The following ZNF318 variants were observed in gnomAD, a reference collection of about 807,000 sequenced individuals.
ZNF318 encodes the protein zinc finger protein 318, also known as endocrine regulator.
In ZNF318, 51 loss-of-function variants were observed where a neutral mutation model predicts 124.2. The observed-to-expected ratio is 0.41, with a 90% CI of 0.33 to 0.52. The LOEUF (loss-of-function observed/expected upper bound fraction) is 0.52, where lower values mean the gene tolerates loss of function less well. ZNF318 is among the 20% of genes least tolerant of loss of function. The pLI, the probability that ZNF318 is intolerant of heterozygous loss-of-function variation, is 0.23. For missense variants in ZNF318, 2,815 were observed against 2,811.2 expected (o/e 1.00, Z -0.03); for synonymous variants, 1,090 against 1,040.7 (o/e 1.05, Z -0.91).
chr6:43,365,960 G>T (rs1367757249), intron 1 of ZNF318, among the ~76,000 whole-genome samples: 1 of 152,154 alleles, frequency 6.6e-6, no homozygotes, highest in Non-Finnish European at 1.5e-5. Context: ...TGGGAAAAGA[G>T]AAGTGAATAA....
At position 43,337,555 on chromosome 6, in the gene ZNF318, T is replaced by A; in HGVS notation, c.6443A>T (p.Gln2148Leu). 1 of 1,614,064 alleles carries A rather than the reference T, an allele frequency of 6.2e-7. No homozygotes were observed. Among genetic ancestry groups the A allele is most frequent in the South Asian group, 1.1e-5 (1 of 91,078 alleles). The change falls in exon 10 of 10, where the codon CAA becomes CTA. Residue 2148 changes from glutamine to leucine, a missense_variant. This residue lies in a region of ZNF318 where 927 missense variants were observed against 820.6 expected (regional missense o/e 1.13). Coordinates refer to ENST00000361428, the MANE Select transcript of ZNF318 (RefSeq NM_014345.3). ...TTTTAATTCCAATCCGAGTGACTCT[T>A]GTTTGTCTAATTGGGAAGATTCTTT... ...EVKESSQLDKQESLGLELKTI... is the reference protein window; with the variant it reads ...EVKESSQLDKLESLGLELKTI...
chr6:43,341,221 T>C (rs927447065), intron 8 of ZNF318, among the ~76,000 whole-genome samples: 1 of 152,158 alleles, frequency 6.6e-6, no homozygotes, highest in Non-Finnish European at 1.5e-5. Context: ...TCTCAGGAAA[T>C]ATAAAAACTA....
At position 43,357,483 on chromosome 6, in the gene ZNF318, A is replaced by C. The variant is rs1779625529; in HGVS notation, c.831T>G (p.Asp277Glu). The change falls in exon 3 of 10, where the codon GAT becomes GAG. Residue 277 changes from aspartate to glutamate, a missense_variant. This residue lies in a region of ZNF318 where 1,377 missense variants were observed against 1,353.5 expected (regional missense o/e 1.02). Transcript: ENST00000361428. The stretch of plus-strand genomic sequence containing the variant: ...CCATGCTGTTTATCTTCACTGTGTC[A>C]TCATAACGGGGTCTTTTGGCCTCCC... ...RSREAKRPRY[D>E]DTVKINSMGG... The C allele has an allele frequency of 6.2e-7, 1 of 1,614,060 alleles. No homozygotes were observed. The highest frequency in any genetic ancestry group is 8.5e-7 in the Non-Finnish European group (1 of 1,180,028).
intron 2 of ZNF318, 70 bp downstream of exon 2, chr6:43,365,222 C>G (rs1312658321): frequency 1.3e-6 from 2 of 1,517,524 alleles, no homozygotes; most frequent in Non-Finnish European, 1.8e-6. Flanking sequence ...TCAAATATAT[C>G]ATTCGGAAAA....
chr6:43,338,747 G>A lies in ZNF318; in HGVS notation c.5251C>T (p.Leu1751Phe). Residue 1751 changes from leucine (L) to phenylalanine (F), a missense_variant, in exon 10 of 10, where the codon CTC becomes TTC. Transcript: ENST00000361428. ...TTATCCTGGTTAACAGATTCTCTGA[G>A]GTGGATTTCTACCAACTTCTGAGAT... ...KESQKLVEIH[L>F]RESVNQDKES... 6.2e-7 allele frequency: 1 copy of A among 1,614,118 alleles called. No homozygotes were observed. The highest frequency in any genetic ancestry group is 8.5e-7 in the Non-Finnish European group (1 of 1,180,034).
chr6:43,365,812 G>A (rs1318786793), intron 1 of ZNF318, among the ~76,000 whole-genome samples: 1 of 152,062 alleles, frequency 6.6e-6, no homozygotes, highest in Non-Finnish European at 1.5e-5. Flanking sequence ...GCAAAGTTGG[G>A]GTTCAACAAG....
At chr6:43,356,982 G>A (rs1581648210) in intron 3 of ZNF318, 144 bp downstream of exon 3, 2 of 929,818 alleles carry the variant, frequency 2.2e-6, no homozygotes, top group East Asian at 5.3e-5. Context: ...GTTTCGTTTG[G>A]AGAGTCCTAG....
In ZNF318 at chr6:43,336,999, G is replaced by A. The variant is rs1779288766; in HGVS notation, c.*159C>T. The A allele has an allele frequency of 9.6e-6, 5 of 519,102 alleles. No homozygotes were observed. Among genetic ancestry groups the A allele is most frequent in the Non-Finnish European group, 1.6e-5 (5 of 316,082 alleles). 32.2% of individuals were successfully genotyped at this position (519,102 alleles called of 1,614,324 possible). A position where few individuals can be genotyped will look rare whatever the true frequency, so the allele number is the denominator to read the frequency against. On this transcript the variant is annotated 3_prime_UTR_variant, in exon 10 of 10. Transcript: ENST00000361428. ...TTTAAGGGGAAAGGGAAAAGGAAAG[G>A]AGGTAAATTTTTTAGCTTCCATGAA...
intron 2 of ZNF318, 104 bp from the exon 3 acceptor site, chr6:43,357,869 G>A (rs1359235427): frequency 2.9e-6 from 3 of 1,018,758 alleles, no homozygotes; most frequent in Admixed American, 4.7e-5. Context: ...AAATGCTTAG[G>A]GCAAAAGACT....
chr6:43,339,995 G>C lies in ZNF318; in HGVS notation c.4003C>G (p.Pro1335Ala). 1 of 1,614,180 alleles carries C rather than the reference G, an allele frequency of 6.2e-7. No homozygotes were observed. The highest frequency in any genetic ancestry group is 8.5e-7 in the Non-Finnish European group (1 of 1,180,040). The change falls in exon 10 of 10, where the codon CCT (proline) becomes GCT (alanine). Residue 1335 changes from proline (P) to alanine (A), a missense_variant. Physicochemically the swap from Pro to Ala is conservative, Grantham distance 27 (BLOSUM62 -1). Coordinates refer to ENST00000361428, the MANE Select transcript of ZNF318 (RefSeq NM_014345.3). The surrounding 1 kb of genome is among the most constrained non-coding windows in gnomAD (Gnocchi z 4.2). The stretch of plus-strand genomic sequence containing the variant: ...GAAGTTGTCACAACAGGCATCCAAG[G>C]GCTGGTATGTGCAACAACAGTTTTC... The part of the protein sequence containing the change: ...SGKTVVAHTS[P>A]WMPVVTTSTQ...
intron 1 of ZNF318, among the ~76,000 whole-genome samples, chr6:43,368,317 G>T (rs980983210): frequency 6.6e-6 from 1 of 152,154 alleles, no homozygotes; most frequent in African/African-American, 2.4e-5. Flanking sequence ...TGTACAACAA[G>T]GAATAGTATT....
chr6:43,355,658 T>C lies in ZNF318; in HGVS notation c.1676A>G (p.Glu559Gly), dbSNP rs1779596610. 2.5e-6 allele frequency: 4 copies of C among 1,614,196 alleles called. No homozygotes were observed. Among genetic ancestry groups the C allele is most frequent in the Non-Finnish European group, 3.4e-6 (4 of 1,180,028 alleles). ...ESVPKPLGSS[E>G]SEVMRQKASS... ...TGCCTTCTGCCTCATAACTTCACTC[T>C]CAGAGCTCCCAAGGGGCTTTGGTAC... Residue 559 changes from glutamate (E) to glycine (G), a missense_variant, in exon 4 of 10, where the codon GAG (glutamate) becomes GGG (glycine). Physicochemically the swap from Glu to Gly is moderately conservative, Grantham distance 98 (BLOSUM62 -2). This residue lies in a region of ZNF318 where 1,377 missense variants were observed against 1,353.5 expected (regional missense o/e 1.02). Transcript: ENST00000361428.
intron 5 of ZNF318, among the ~76,000 whole-genome samples, chr6:43,351,755 C>T (rs1017165858): frequency 3.4e-5 from 5 of 147,690 alleles, no homozygotes; most frequent in African/African-American, 1.3e-4. Flanking sequence ...AGCGAGGCTC[C>T]ATCTCAAAAA....
chr6:43,360,941 G>A (rs1183720760), intron 2 of ZNF318, among the ~76,000 whole-genome samples: 1 of 152,238 alleles, frequency 6.6e-6, no homozygotes, highest in East Asian at 1.9e-4. Flanking sequence ...TAGGGTGGAG[G>A]GAGTAATGGC....
chr6:43,357,019 G>A (rs1779616812), intron 3 of ZNF318, 107 bp downstream of exon 3: 2 of 1,335,204 alleles, frequency 1.5e-6, no homozygotes, highest in African/African-American at 1.5e-5. Flanking sequence ...TGTCGGTCCA[G>A]CACATATTAC....
intron 5 of ZNF318, among the ~76,000 whole-genome samples, chr6:43,350,331 C>G (rs7757879): frequency 6.6e-6 from 1 of 152,098 alleles, no homozygotes; most frequent in Non-Finnish European, 1.5e-5. Flanking sequence ...AGCTAACTCA[C>G]AGGGGGTCCC....
Position 43,355,674 on chromosome 6 carries a change from G to C in ZNF318, c.1660C>G (p.Pro554Ala). Residue 554 changes from proline to alanine, a missense_variant, in exon 4 of 10, where the codon CCC becomes GCC. This residue lies in a region of ZNF318 where 1,377 missense variants were observed against 1,353.5 expected (regional missense o/e 1.02). Transcript: ENST00000361428. ...ACTTCACTCTCAGAGCTCCCAAGGG[G>C]CTTTGGTACGGATTCTGCCTTTAAA... Reference protein sequence around the residue: ...EDLKAESVPKPLGSSESEVMR... With the variant: ...EDLKAESVPKALGSSESEVMR... The C allele has an allele frequency of 3.7e-6, 6 of 1,614,186 alleles. No homozygotes were observed. Among genetic ancestry groups the C allele is most frequent in the Non-Finnish European group, 5.1e-6 (6 of 1,180,028 alleles).
At chr6:43,340,660 TGAG>T (rs1779362432) in intron 9 of ZNF318, 127 bp downstream of exon 9, 3 of 1,502,644 alleles carry the variant, frequency 2.0e-6, no homozygotes, top group Non-Finnish European at 2.7e-6. Context: ...CCACTAGGAT[TGAG>T]GAGAACTTAG....
Position 43,355,908 on chromosome 6 carries a change from G to A in ZNF318, c.1426C>T (p.His476Tyr), listed in dbSNP as rs1779601977. 11 of 1,614,084 alleles carry A rather than the reference G, an allele frequency of 6.8e-6. No homozygotes were observed. The highest frequency in any genetic ancestry group is 9.3e-6 in the Non-Finnish European group (11 of 1,180,042). The change falls in exon 4 of 10, where the codon CAC becomes TAC. Residue 476 changes from histidine (H) to tyrosine (Y), a missense_variant. His to Tyr is a moderately conservative substitution (Grantham distance 83). Coordinates refer to ENST00000361428, the MANE Select transcript of ZNF318 (RefSeq NM_014345.3). ...LREKFGSFLC[H>Y]KDNLDLKAEG... ...GCCTTCAAATCCAAATTATCCTTGT[G>A]GCATAGAAAACTTCCAAATTTTTCT...
Sources: gnomAD v4.1 joint callset for allele counts (sites outside exome capture counted in the v4.1 genomes callset) on GRCh38, gnomAD v4.1.1 for gene constraint, gnomAD v4.1.1 regional missense constraint, Gnocchi (gnomAD v3.1) non-coding constraint, MANE v1.5 for transcripts, NCBI Gene and HGNC (gene_info 2026-07-23, HGNC 2026-07-21) for gene names.